FLNB: variants seen among roughly 807,000 people sequenced by gnomAD.
FLNB encodes the protein filamin-B.
Under a neutral mutation model 250.6 loss-of-function variants are expected in FLNB, and 111 were observed. The observed-to-expected ratio is 0.44, with a 90% confidence interval of 0.38 to 0.52. FLNB has a LOEUF of 0.52. Ranked by LOEUF, FLNB falls within the 20% of genes least tolerant of loss-of-function variation. FLNB has a pLI of 0.00. For synonymous variants in FLNB, 1,302 were observed against 1,372.1 expected (o/e 0.95, Z 1.13); for missense variants, 2,869 against 3,447.8 (o/e 0.83, Z 4.20).
At chr3:58,049,305 C>T (rs759848961) in intron 1 of FLNB, among the ~76,000 whole-genome samples, 2 of 152,134 alleles carry the variant, frequency 1.3e-5, no homozygotes, top group Non-Finnish European at 2.9e-5. Context: ...TTTGCAGCTG[C>T]GAGAAGGGCC....
chr3:58,123,853 G>A lies in FLNB; in HGVS notation c.3724+163G>A, dbSNP rs2097293213. The stretch of plus-strand genomic sequence containing the variant: ...CCTCGGGGAGTAGTTGGGGGGCCCT[G>A]GTGAAGGTTAAGCACATTGCATTTC... On this transcript the variant is annotated intron_variant, in intron 21 of 45. Coordinates refer to ENST00000295956, the MANE Select transcript of FLNB (RefSeq NM_001457.4). Among the ~76,000 whole-genome samples the A allele has an allele frequency of 2.6e-5, 4 of 152,078 alleles. No individual in the cohort carries two copies. In the South Asian group the frequency reaches 8.3e-4, roughly 32 times the overall value.
intron 9 of FLNB, among the ~76,000 whole-genome samples, chr3:58,102,893 G>A (rs1190283624): frequency 1.3e-5 from 2 of 152,224 alleles, no homozygotes; most frequent in Admixed American, 6.5e-5. Context: ...GTTAAACCCT[G>A]CAACCCATTC....
rs143061664 is a variant in FLNB, at chr3:58,078,278, G to A, written c.542-439G>A. The A allele has an allele frequency of 7.3e-5, 103 of 1,419,848 alleles. No homozygotes were observed. In the African/African-American group the frequency reaches 9.2e-4, roughly 13 times the overall value. The allele number at this position is 1,419,848 out of a possible 1,614,324, so 88.0% of individuals were successfully genotyped here. A position where few individuals can be genotyped will look rare whatever the true frequency, so the allele number is the denominator to read the frequency against. On this transcript the variant is annotated intron_variant, in intron 2 of 45. Coordinates refer to ENST00000295956, the MANE Select transcript of FLNB (RefSeq NM_001457.4). ...TTTACTCTAGTCCTTTACCTCATGT[G>A]CTTACAAAGGCTTTTAAGATAATTC...
At chr3:58,152,637 A>G (rs1372324930) in intron 38 of FLNB, 3 of 609,774 alleles carry the variant, frequency 4.9e-6, no homozygotes, top group Non-Finnish European at 7.3e-6. Context: ...TGAATTTTGG[A>G]GGGACACAAA....
intron 1 of FLNB, among the ~76,000 whole-genome samples, chr3:58,041,671 A>G (rs981933898): frequency 6.6e-6 from 1 of 152,204 alleles, no homozygotes; most frequent in Admixed American, 6.5e-5. Flanking sequence ...CCTTGAATCC[A>G]TGCCTTGAGC....
chr3:58,132,053 AC>A lies in FLNB; in HGVS notation c.4391-752del. On this transcript the variant is annotated intron_variant, in intron 25 of 45. Coordinates refer to ENST00000295956, the MANE Select transcript of FLNB (RefSeq NM_001457.4). ...TTTCCCATGGCTGCTGAATTATGTA[AC>A]CCAAATGCTTCTTGCTGGCCTCACT... 2.2e-6 allele frequency: 3 copies of A among 1,374,572 alleles called. No individual in the cohort carries two copies. The Admixed American group carries it at 5.9e-5, about 27-fold the overall frequency. The allele number at this position is 1,374,572 out of a possible 1,614,324, so 85.1% of individuals were successfully genotyped here.
At chr3:58,144,958 A>G (rs1395077608) in intron 32 of FLNB, among the ~76,000 whole-genome samples, 3 of 152,238 alleles carry the variant, frequency 2.0e-5, no homozygotes, top group East Asian at 1.9e-4. Context: ...GGCCTTTGTC[A>G]TATAGTTTCT....
chr3:58,017,158 C>T (rs839239), intron 1 of FLNB, among the ~76,000 whole-genome samples: 117,244 of 152,172 alleles, frequency 0.77, 46,217 homozygotes, highest in East Asian at 0.95. Context: ...GATGAACCAG[C>T]AGGTGAGAGT....
intron 1 of FLNB, among the ~76,000 whole-genome samples, chr3:58,068,521 G>C (rs1013837767): frequency 5.3e-5 from 8 of 152,180 alleles, no homozygotes; most frequent in African/African-American, 1.9e-4. Context: ...ATCTGGCTAG[G>C]TTTTGACTGA....
rs146451464 is a variant in FLNB at position 58,157,664 on chromosome 3, T to C, written c.6888+1589T>C. ...CGGAGGGAGATAAACCCAGCACTTA[T>C]TGAGGGCAGGAGCTGCCCTCATGCA... On this transcript the variant is annotated intron_variant, in intron 41 of 45. Transcript: ENST00000295956. 3.7e-4 allele frequency among the ~76,000 whole-genome samples: 57 copies of C among 152,356 alleles called. No individual in the cohort carries two copies. The East Asian group carries it at 8.5e-3, about 23-fold the overall frequency.
intron 1 of FLNB, among the ~76,000 whole-genome samples, chr3:58,052,195 G>A (rs558008712): frequency 8.5e-5 from 13 of 152,210 alleles, no homozygotes; most frequent in East Asian, 3.9e-4. Flanking sequence ...GCCTCGACTC[G>A]CTTTATTATA....
intron 1 of FLNB, among the ~76,000 whole-genome samples, chr3:58,043,949 A>G (rs2097149851): frequency 6.6e-6 from 1 of 152,068 alleles, no homozygotes; most frequent in Non-Finnish European, 1.5e-5. Context: ...CAAAATCAGA[A>G]AGCCATGGTT....
chr3:58,078,610 A>G, intron 2 of FLNB, 107 bp from the exon 3 acceptor site: 1 of 1,519,078 alleles, frequency 6.6e-7, no homozygotes, highest in South Asian at 1.2e-5. Context: ...TTAGGAAAAA[A>G]TCATTCTCTG....
At chr3:58,039,602 A>C (rs965333983) in intron 1 of FLNB, among the ~76,000 whole-genome samples, 2 of 152,212 alleles carry the variant, frequency 1.3e-5, no homozygotes, top group African/African-American at 4.8e-5. Flanking sequence ...GCAAACAAGA[A>C]CTACAATGAC....
chr3:58,076,901 C>A, intron 1 of FLNB, 145 bp from the exon 2 acceptor site: 3 of 995,232 alleles, frequency 3.0e-6, no homozygotes, highest in Non-Finnish European at 4.7e-6. Flanking sequence ...TGTTTTGAAG[C>A]AAATTTCAGC....
chr3:58,135,906 T>C (rs572577279), intron 27 of FLNB, 73 bp from the exon 28 acceptor site: 9 of 1,478,328 alleles, frequency 6.1e-6, no homozygotes, highest in Non-Finnish European at 8.4e-6. Flanking sequence ...AATTGGAAAA[T>C]ATGTCAGGGT....
intron 1 of FLNB, among the ~76,000 whole-genome samples, chr3:58,058,764 A>G (rs1480757278): frequency 5.9e-5 from 9 of 152,240 alleles, no homozygotes; most frequent in Non-Finnish European, 1.3e-4. Context: ...GTTGTAGATT[A>G]GAGAAAGCTC....
At chr3:58,125,093 G>A (rs1002520582) in intron 22 of FLNB, among the ~76,000 whole-genome samples, 1 of 152,084 alleles carries the variant, frequency 6.6e-6, no homozygotes, top group Non-Finnish European at 1.5e-5. Context: ...TAGACGGTTT[G>A]TATTATTTAA....
At chr3:58,111,381 T>G (rs921241514) in intron 16 of FLNB, among the ~76,000 whole-genome samples, 1 of 152,396 alleles carries the variant, frequency 6.6e-6, no homozygotes, top group East Asian at 1.9e-4. Context: ...TGAAGAATTA[T>G]AATCATTCTG....
Sources: allele counts gnomAD v4.1 joint callset (sites outside exome capture counted in the v4.1 genomes callset), GRCh38; gene constraint gnomAD v4.1.1; transcripts MANE v1.5; gene names NCBI Gene and HGNC (gene_info 2026-07-23, HGNC 2026-07-21).